NTAQ1: variants seen among roughly 807,000 people sequenced by gnomAD.
The protein encoded by NTAQ1 is protein N-terminal glutamine amidohydrolase.
In NTAQ1, 21 loss-of-function variants were observed where a neutral mutation model predicts 28.2. The ratio of observed to expected loss-of-function variants is 0.74; its 90% CI spans 0.53 to 1.07. The LOEUF (loss-of-function observed/expected upper bound fraction) is 1.07, where lower values mean the gene tolerates loss of function less well. NTAQ1 is among the 50% of genes least tolerant of loss of function. NTAQ1 has a pLI of 0.00. For missense variants in NTAQ1, 264 were observed against 256.6 expected (o/e 1.03, Z -0.20); for synonymous variants, 105 against 90.0 (o/e 1.17, Z -0.94).
At chr8:123,429,001 G>C (rs1310943672) in intron 2 of NTAQ1, among the ~76,000 whole-genome samples, 2 of 152,138 alleles carry the variant, frequency 1.3e-5, no homozygotes, top group Non-Finnish European at 2.9e-5. Flanking sequence ...ATTTGTCTCT[G>C]GAGTTTAAAT....
chr8:123,441,395 T>C lies in NTAQ1; in HGVS notation c.598T>C (p.Phe200Leu). ...CACACTATCCGAATTTACACATCGG[T>C]TTGGCAGTAAAAACTGCTGAACTTG... The part of the protein sequence containing the change: ...VYTLSEFTHR[F>L]GSKNC Residue 200 changes from phenylalanine (F) to leucine (L), a missense_variant, in exon 6 of 6, where the codon TTT (phenylalanine) becomes CTT (leucine). By Grantham distance (22) the Phe-to-Leu change is conservative (BLOSUM62 0). Coordinates refer to ENST00000287387, the MANE Select transcript of NTAQ1 (RefSeq NM_018024.3). The C allele has an allele frequency of 1.2e-6, 2 of 1,608,954 alleles. No individual in the cohort carries two copies. Among genetic ancestry groups the C allele is most frequent in the Non-Finnish European group, 1.7e-6 (2 of 1,177,370 alleles).
chr8:123,454,472 A>G (rs979007055), intron 6 of NTAQ1, among the ~76,000 whole-genome samples: 1 of 152,050 alleles, frequency 6.6e-6, no homozygotes, highest in East Asian at 1.9e-4. Flanking sequence ...GGTTCAAGCA[A>G]TTCTCCTGCC....
chr8:123,473,771 A>G (rs1223379184), downstream of NTAQ1, among the ~76,000 whole-genome samples: 1 of 152,222 alleles, frequency 6.6e-6, no homozygotes, highest in African/African-American at 2.4e-5. Flanking sequence ...AAAAGTTGAC[A>G]TTGTAGCTCT....
Position 123,436,426 on chromosome 8 carries a change from G to A in NTAQ1, c.235-27G>A, listed in dbSNP as rs368231241. 46 of 1,608,974 alleles carry A rather than the reference G, an allele frequency of 2.9e-5. No individual in the cohort carries two copies. In the African/African-American group the frequency reaches 4.1e-4, roughly 15 times the overall value. On this transcript the variant is annotated intron_variant, in intron 3 of 5. Transcript: ENST00000287387. ...GATTTCATCATTATGAAGTAACTTG[G>A]TTAACTTCAGCAACTTTTACTTTTA...
chr8:123,423,362 TCCTTTCCCTCCTTTTCCTC>T (rs892987393), intron 1 of NTAQ1, among the ~76,000 whole-genome samples: 11 of 107,812 alleles, frequency 1.0e-4, no homozygotes, highest in South Asian at 2.5e-4. Flanking sequence ...CTCCTTTCCT[TCCTTTCCCTCCTTTTCCTC>T]CCTTTCCCTC....
At chr8:123,475,596 T>G in the NTAQ1 span, among the ~76,000 whole-genome samples, 1 of 152,270 alleles carries the variant, frequency 6.6e-6, no homozygotes, top group Admixed American at 6.5e-5. Context: ...GTATAACTAT[T>G]AAGGACCACA....
At position 123,465,603 on chromosome 8, in the gene NTAQ1, A is replaced by G. The variant is rs554067007; in HGVS notation, c.373-1476A>G. On this transcript the variant is annotated intron_variant, in intron 6 of 6. Coordinates refer to the NTAQ1 transcript ENST00000650311. ...TTTTTTTTTTTTTTTTTTTTTTGAGACAGAGTCTTGCTCTGTCACTCAGGC... is the reference window on the plus strand; with the variant it reads ...TTTTTTTTTTTTTTTTTTTTTTGAGGCAGAGTCTTGCTCTGTCACTCAGGC... Among the ~76,000 whole-genome samples the G allele has an allele frequency of 3.6e-4, 29 of 81,340 alleles. No homozygotes were observed. The South Asian group carries it at 0.011, about 30-fold the overall frequency. The allele number at this position is 81,340 out of a possible 152,430, so 53.4% of individuals were successfully genotyped here. A position where few individuals can be genotyped will look rare whatever the true frequency, so the allele number is the denominator to read the frequency against.
intron 3 of NTAQ1, among the ~76,000 whole-genome samples, chr8:123,430,495 A>G (rs547603667): frequency 6.6e-6 from 1 of 152,240 alleles, no homozygotes; most frequent in South Asian, 2.1e-4. Flanking sequence ...TACAAATATT[A>G]GGCCGGGCGC....
At chr8:123,456,044 TAAG>T (rs1481705075) in intron 6 of NTAQ1, among the ~76,000 whole-genome samples, 1 of 152,166 alleles carries the variant, frequency 6.6e-6, no homozygotes, top group Non-Finnish European at 1.5e-5. Flanking sequence ...CTCTGGATTT[TAAG>T]AGCATCTTTT....
At chr8:123,473,626 G>A (rs73705930), downstream of NTAQ1, among the ~76,000 whole-genome samples, 2,638 of 152,248 alleles carry the variant, frequency 0.017, 68 homozygotes, top group African/African-American at 0.06. Context: ...GACATGCCTT[G>A]AAGTCTTAGA....
At chr8:123,440,836 C>T (rs78962660) in intron 5 of NTAQ1, among the ~76,000 whole-genome samples, 3,332 of 152,230 alleles carry the variant, frequency 0.022, 129 homozygotes, top group African/African-American at 0.076. Context: ...ATTTAGCCCC[C>T]CTACTCTGAC....
chr8:123,441,724 C>A lies in NTAQ1; in HGVS notation c.*309C>A. The A allele has an allele frequency of 3.3e-6, 1 of 300,782 alleles. No homozygotes were observed. Among genetic ancestry groups the A allele is most frequent in the Non-Finnish European group, 6.3e-6 (1 of 157,862 alleles). 18.6% of individuals were successfully genotyped at this position (300,782 alleles called of 1,614,324 possible). A position where few individuals can be genotyped will look rare whatever the true frequency, so the allele number is the denominator to read the frequency against. Reference sequence around the variant, plus strand: ...GATAGAGGTGTGGAGGTAGAGCCAGCCCCTCATGTCTGTTTTGGATGTTTT... The same window carrying A: ...GATAGAGGTGTGGAGGTAGAGCCAGACCCTCATGTCTGTTTTGGATGTTTT... On this transcript the variant is annotated 3_prime_UTR_variant, in exon 6 of 6. Coordinates refer to ENST00000287387, the MANE Select transcript of NTAQ1 (RefSeq NM_018024.3).
In NTAQ1 at chr8:123,420,165, G is replaced by A. The variant is rs72724215; in HGVS notation, c.83+3233G>A. Reference sequence around the variant, plus strand: ...CCACTTATACGCAAGAATATTCAGTGTTTGCTTTTCTGTCCCTGTGTTAAT... The same window carrying A: ...CCACTTATACGCAAGAATATTCAGTATTTGCTTTTCTGTCCCTGTGTTAAT... On this transcript the variant is annotated intron_variant, in intron 1 of 5. Transcript: ENST00000287387. Among the ~76,000 whole-genome samples the A allele has an allele frequency of 8.1e-3, 1,236 of 152,224 alleles. 7 individuals are homozygous for A. Among genetic ancestry groups the A allele is most frequent in the Non-Finnish European group, 0.013 (865 of 68,018 alleles).
At chr8:123,455,582 G>A (rs9969567) in intron 6 of NTAQ1, among the ~76,000 whole-genome samples, 54,923 of 151,496 alleles carry the variant, frequency 0.36, 10,064 homozygotes, top group East Asian at 0.56. Context: ...GTGCCACCAC[G>A]CCTGGCTAAT....
At chr8:123,439,572 T>A (rs1295323904) in intron 5 of NTAQ1, among the ~76,000 whole-genome samples, 5 of 152,016 alleles carry the variant, frequency 3.3e-5, no homozygotes, top group Admixed American at 2.0e-4. Flanking sequence ...GGTCTCGATC[T>A]CCTGACCTCG....
At chr8:123,460,839 A>C (rs1815802139) in intron 6 of NTAQ1, among the ~76,000 whole-genome samples, 2 of 152,068 alleles carry the variant, frequency 1.3e-5, no homozygotes, top group South Asian at 4.1e-4. Context: ...GTATTGGCTG[A>C]ACGTTGCAAA....
At position 123,420,090 on chromosome 8, in the gene NTAQ1, C is replaced by T. The variant is rs527317852; in HGVS notation, c.83+3158C>T. Among the ~76,000 whole-genome samples the T allele has an allele frequency of 6.4e-4, 98 of 152,012 alleles. 1 individual carries two copies. The highest frequency in any genetic ancestry group is 1.3e-3 in the Non-Finnish European group (88 of 67,978). On this transcript the variant is annotated intron_variant, in intron 1 of 5. Transcript: ENST00000287387. Reference sequence around the variant, plus strand: ...TCACCCTCTACCCTCAAGTAGGCCCCATGTCTACTGTTTCCTTTTTTGTGT... The same window carrying T: ...TCACCCTCTACCCTCAAGTAGGCCCTATGTCTACTGTTTCCTTTTTTGTGT...
At chr8:123,444,798 G>C (rs7826350), downstream of NTAQ1, among the ~76,000 whole-genome samples, 55,150 of 152,080 alleles carry the variant, frequency 0.36, 10,120 homozygotes, top group East Asian at 0.56. Flanking sequence ...CGTGAGCCAC[G>C]GTGCCCAGCC....
intron 6 of NTAQ1, among the ~76,000 whole-genome samples, chr8:123,456,546 G>A (rs986811625): frequency 6.6e-6 from 1 of 152,128 alleles, no homozygotes; most frequent in African/African-American, 2.4e-5. Context: ...ATCCTTACAG[G>A]AATTACACCA....
Sources: allele counts gnomAD v4.1 joint callset (sites outside exome capture counted in the v4.1 genomes callset), GRCh38; gene constraint gnomAD v4.1.1; transcripts MANE v1.5; gene names NCBI Gene and HGNC (gene_info 2026-07-23, HGNC 2026-07-21).